The following AS3MT variants were observed in gnomAD, a reference collection of about 807,000 sequenced individuals.
The protein encoded by AS3MT is arsenite methyltransferase.
A neutral mutation model predicts 45.3 loss-of-function variants in AS3MT; 47 were observed. The observed-to-expected ratio is 1.04, with a 90% CI of 0.82 to 1.32. AS3MT has a LOEUF of 1.32. Ranked by LOEUF, AS3MT falls within the 40% of genes most tolerant of loss-of-function variation. AS3MT has a pLI of 0.00. For missense variants in AS3MT, 396 were observed against 451.1 expected (o/e 0.88, Z 1.11); for synonymous variants, 141 against 152.8 (o/e 0.92, Z 0.57).
rs181630410 is a variant in AS3MT, at chr10:102,870,332, G to T, written c.170+121G>T. The T allele has an allele frequency of 2.2e-3, 2,844 of 1,306,022 alleles. 30 individuals are homozygous for T. The highest frequency in any genetic ancestry group is 1.0e-3 in the Non-Finnish European group (936 of 938,780). The allele number at this position is 1,306,022 out of a possible 1,614,324, so 80.9% of individuals were successfully genotyped here. A position where few individuals can be genotyped will look rare whatever the true frequency, so the allele number is the denominator to read the frequency against. ...AACCCATCAGCTTGCCTTGTCTATT[G>T]TAAAAATCCTAAATCTCAGCACCCA... On this transcript the variant is annotated intron_variant, in intron 3 of 10. Coordinates refer to ENST00000369880, the MANE Select transcript of AS3MT (RefSeq NM_020682.4).
intron 10 of AS3MT, among the ~76,000 whole-genome samples, chr10:102,896,682 G>A (rs1270713444): frequency 6.6e-6 from 1 of 151,902 alleles, no homozygotes; most frequent in Non-Finnish European, 1.5e-5. Context: ...GGTGGCATGC[G>A]CCTGTAATCC....
chr10:102,885,843 T>A (rs1844944816), intron 9 of AS3MT, among the ~76,000 whole-genome samples: 1 of 147,484 alleles, frequency 6.8e-6, no homozygotes, highest in South Asian at 2.2e-4. Context: ...AATTTTTGTA[T>A]TTTTAGTAGA....
rs1465138000 is a variant in AS3MT at position 102,886,007 on chromosome 10, T to C, written c.886-4537T>C. ...TTCAAGTCTGAATAGTATTCCAGTG[T>C]GTACATATACTACTACGTTTTCTTT... On this transcript the variant is annotated intron_variant, in intron 9 of 10. Transcript: ENST00000369880. Among the ~76,000 whole-genome samples the C allele has an allele frequency of 2.0e-5, 3 of 152,174 alleles. 1 individual carries two copies. Among genetic ancestry groups the C allele is most frequent in the Non-Finnish European group, 1.5e-5 (1 of 68,042 alleles).
intron 9 of AS3MT, among the ~76,000 whole-genome samples, chr10:102,887,702 G>A (rs763311355): frequency 6.6e-6 from 1 of 151,958 alleles, no homozygotes; most frequent in African/African-American, 2.4e-5. Flanking sequence ...ATTTTTATAA[G>A]TAAAGTAGGT....
intron 5 of AS3MT, among the ~76,000 whole-genome samples, chr10:102,874,073 C>T (rs1206465422): frequency 6.6e-6 from 1 of 151,900 alleles, no homozygotes; most frequent in African/African-American, 2.4e-5. Context: ...AACAACATGG[C>T]GAAACCCCGT....
intron 9 of AS3MT, among the ~76,000 whole-genome samples, chr10:102,887,354 A>G (rs1005731306): frequency 1.3e-5 from 2 of 152,178 alleles, no homozygotes; most frequent in South Asian, 2.1e-4. Context: ...GAGCTAGTAT[A>G]TAGTTTAATG....
At chr10:102,898,518 A>C (rs1331923255) in intron 10 of AS3MT, among the ~76,000 whole-genome samples, 3 of 152,086 alleles carry the variant, frequency 2.0e-5, no homozygotes, top group African/African-American at 7.2e-5. Context: ...ATCACCTGGG[A>C]GGCAGAGGTT....
chr10:102,872,401 AT>A (rs751370259), intron 3 of AS3MT, 46 bp from the exon 4 acceptor site: 1 of 1,600,824 alleles, frequency 6.2e-7, no homozygotes, highest in Non-Finnish European at 8.5e-7. Flanking sequence ...TAGTGGTTTC[AT>A]GTCTTACAGT....
rs1439122744 is a variant in AS3MT, at chr10:102,881,804, T to TA, written c.885+2814dup. Among the ~76,000 whole-genome samples the TA allele has an allele frequency of 6.6e-6, 1 of 152,134 alleles. No individual in the cohort carries two copies. Among genetic ancestry groups the TA allele is most frequent in the Non-Finnish European group, 1.5e-5 (1 of 68,016 alleles). ...ATGCTGGAGTGTAGTGGCACAGTCA[T>TA]AGCTCACTGTAACCTCAAACTCCTG... On this transcript the variant is annotated intron_variant, in intron 9 of 10. Transcript: ENST00000369880. This position sits in a 1 kb window ranked among gnomAD's most constrained non-coding sequence, Gnocchi z 4.2.
At chr10:102,873,049 G>A (rs1259971587) in intron 4 of AS3MT, 48 bp from the exon 5 acceptor site, 8 of 1,469,232 alleles carry the variant, frequency 5.4e-6, no homozygotes, top group East Asian at 2.4e-5. Flanking sequence ...GGAAAAAGTT[G>A]TGTATTTTTT....
rs1844872583 is a variant in AS3MT, at chr10:102,881,962, C to A, written c.885+2971C>A. ...TTTTTTTTTTTTTTCTTTTTTGAGA[C>A]CAAGTCTCGCTCTGTCACTCAGGCT... On this transcript the variant is annotated intron_variant, in intron 9 of 10. Transcript: ENST00000369880. The surrounding 1 kb of genome is among the most constrained non-coding windows in gnomAD (Gnocchi z 4.2). Among the ~76,000 whole-genome samples, 1 of 148,426 alleles carries A rather than the reference C, an allele frequency of 6.7e-6. No individual in the cohort carries two copies. Among genetic ancestry groups the A allele is most frequent in the Non-Finnish European group, 1.5e-5 (1 of 67,300 alleles).
chr10:102,874,905 C>T (rs2134112250), intron 6 of AS3MT, among the ~76,000 whole-genome samples: 1 of 152,292 alleles, frequency 6.6e-6, no homozygotes, highest in African/African-American at 2.4e-5. Context: ...TATTTGCTTT[C>T]TTGACTGTCT....
chr10:102,898,858 G>A (rs1845226139), intron 10 of AS3MT, among the ~76,000 whole-genome samples: 1 of 152,180 alleles, frequency 6.6e-6, no homozygotes, highest in Non-Finnish European at 1.5e-5. Flanking sequence ...CTAGAAAGTG[G>A]TGAATTTGCA....
intron 5 of AS3MT, 92 bp from the exon 6 acceptor site, chr10:102,874,500 G>T: frequency 1.1e-6 from 1 of 911,244 alleles, no homozygotes; most frequent in South Asian, 1.5e-5. Context: ...AGCTTTGACA[G>T]AACGGTGGGA....
chr10:102,891,155 C>A (rs1845064095), intron 10 of AS3MT, among the ~76,000 whole-genome samples: 1 of 152,214 alleles, frequency 6.6e-6, no homozygotes, highest in Non-Finnish European at 1.5e-5. Context: ...TATCGGGAAG[C>A]TGCTGATCAC....
In AS3MT at chr10:102,881,109, C is replaced by T. The variant is rs893940513; in HGVS notation, c.885+2118C>T. Reference sequence around the variant, plus strand: ...TATCTGAATAATCTGGACAAATTCTCATTCTGGGCAGTCATTCGTTTCATC... The same window carrying T: ...TATCTGAATAATCTGGACAAATTCTTATTCTGGGCAGTCATTCGTTTCATC... On this transcript the variant is annotated intron_variant, in intron 9 of 10. Transcript: ENST00000369880. The surrounding 1 kb of genome is among the most constrained non-coding windows in gnomAD (Gnocchi z 4.2). Among the ~76,000 whole-genome samples the T allele has an allele frequency of 6.6e-6, 1 of 152,188 alleles. No homozygotes were observed. Among genetic ancestry groups the T allele is most frequent in the African/African-American group, 2.4e-5 (1 of 41,454 alleles).
At chr10:102,873,323 C>A (rs1421281390) in intron 5 of AS3MT, 90 bp downstream of exon 5, 7 of 1,077,966 alleles carry the variant, frequency 6.5e-6, no homozygotes, top group Non-Finnish European at 8.6e-6. Context: ...CTCTGTCACC[C>A]AGGCCAGAGT....
intron 9 of AS3MT, among the ~76,000 whole-genome samples, chr10:102,883,764 TC>T (rs1311546287): frequency 6.6e-6 from 1 of 151,216 alleles, no homozygotes; most frequent in Non-Finnish European, 1.5e-5. Context: ...GCCCTAATTT[TC>T]CCCCCATTAT....
chr10:102,876,963 G>A lies in AS3MT; in HGVS notation c.538G>A (p.Glu180Lys), dbSNP rs758201841. The change falls in exon 7 of 11, where the codon GAG (glutamate) becomes AAG (lysine). Residue 180 changes from glutamate to lysine, a missense_variant. Transcript: ENST00000369880. ...EAYRVLKHGGELYFSDVYTSL... is the reference protein window; with the variant it reads ...EAYRVLKHGGKLYFSDVYTSL... Reference sequence around the variant, plus strand: ...TATGCCTCTGTTTCAGCATGGTGGGGAGTTATATTTCAGTGACGTCTATAC... The same window carrying A: ...TATGCCTCTGTTTCAGCATGGTGGGAAGTTATATTTCAGTGACGTCTATAC... 6.2e-7 allele frequency: 1 copy of A among 1,614,124 alleles called. No homozygotes were observed. Among genetic ancestry groups the A allele is most frequent in the East Asian group, 2.2e-5 (1 of 44,870 alleles).
Sources: gnomAD v4.1 joint callset for allele counts (sites outside exome capture counted in the v4.1 genomes callset) on GRCh38, gnomAD v4.1.1 for gene constraint, Gnocchi (gnomAD v3.1) non-coding constraint, MANE v1.5 for transcripts, NCBI Gene and HGNC (gene_info 2026-07-23, HGNC 2026-07-21) for gene names.